MTMR7: variants seen among roughly 807,000 people sequenced by gnomAD.
MTMR7 encodes the protein myotubularin related protein 7.
In MTMR7, 76 loss-of-function variants were observed where a neutral mutation model predicts 81.2. The ratio of observed to expected loss-of-function variants is 0.94; its 90% CI spans 0.78 to 1.13. MTMR7 has a LOEUF of 1.13. Ranked by LOEUF, MTMR7 falls within the 50% of genes most tolerant of loss-of-function variation. The pLI, the probability that MTMR7 is intolerant of heterozygous loss-of-function variation, is 0.00. For synonymous variants in MTMR7, 372 were observed against 289.8 expected (o/e 1.28, Z -2.88); for missense variants, 1,044 against 820.0 (o/e 1.27, Z -3.34).
At chr8:17,334,168 C>T (rs1819148111) in intron 6 of MTMR7, among the ~76,000 whole-genome samples, 1 of 152,262 alleles carries the variant, frequency 6.6e-6, no homozygotes, top group South Asian at 2.1e-4. Context: ...CATCTACCAG[C>T]TGAAGTGTAA....
chr8:17,382,463 TA>T (rs1820787947), intron 1 of MTMR7, among the ~76,000 whole-genome samples: 1 of 152,212 alleles, frequency 6.6e-6, no homozygotes, highest in South Asian at 2.1e-4. Context: ...CTCTCATAAT[TA>T]AGTATCATTT....
intron 10 of MTMR7, among the ~76,000 whole-genome samples, chr8:17,308,921 C>T (rs897035833): frequency 6.6e-6 from 1 of 152,182 alleles, no homozygotes; most frequent in Non-Finnish European, 1.5e-5. Flanking sequence ...GTTCCACGGG[C>T]AGTTCACAAC....
intron 3 of MTMR7, among the ~76,000 whole-genome samples, chr8:17,366,114 G>A (rs538587488): frequency 1.3e-5 from 2 of 152,098 alleles, no homozygotes; most frequent in African/African-American, 4.8e-5. Context: ...AAGACATCAG[G>A]TACAAACTCT....
intron 6 of MTMR7, among the ~76,000 whole-genome samples, chr8:17,334,314 G>C (rs566451249): frequency 6.6e-6 from 1 of 152,144 alleles, no homozygotes; most frequent in African/African-American, 2.4e-5. Flanking sequence ...GTATGTGTGC[G>C]CAGTAAGATA....
At chr8:17,306,218 GAC>G (rs968058348) in intron 10 of MTMR7, among the ~76,000 whole-genome samples, 1 of 152,044 alleles carries the variant, frequency 6.6e-6, no homozygotes, top group Non-Finnish European at 1.5e-5. Flanking sequence ...AAAATTCAAA[GAC>G]ACTTTCCACA....
intron 8 of MTMR7, among the ~76,000 whole-genome samples, chr8:17,312,512 T>C (rs1817839278): frequency 1.4e-5 from 2 of 143,342 alleles, no homozygotes; most frequent in South Asian, 4.3e-4. Flanking sequence ...GAGGCAGAGG[T>C]TGCAGCAAGC....
intron 7 of MTMR7, among the ~76,000 whole-genome samples, chr8:17,324,038 T>G (rs982364397): frequency 2.6e-5 from 4 of 152,206 alleles, no homozygotes; most frequent in African/African-American, 9.7e-5. Context: ...TTTTGTCCCT[T>G]TGATAATGTC....
rs185447354 is a variant in MTMR7, at chr8:17,372,891, C to G, written c.147+227G>C. The G allele has an allele frequency of 4.5e-4, 211 of 465,384 alleles. 1 individual carries two copies. The East Asian group carries it at 7.6e-3, about 17-fold the overall frequency. The allele number at this position is 465,384 out of a possible 1,614,324, so 28.8% of individuals were successfully genotyped here. A position where few individuals can be genotyped will look rare whatever the true frequency, so the allele number is the denominator to read the frequency against. On this transcript the variant is annotated intron_variant, in intron 2 of 13. Coordinates refer to ENST00000180173, the MANE Select transcript of MTMR7 (RefSeq NM_004686.5). ...AAGCACTTGTATCTTCTGGCTAGTT[C>G]TAAGTCTCTCTTCACTGATGTTCAA...
At chr8:17,407,255 C>G (rs1821614673) in intron 1 of MTMR7, among the ~76,000 whole-genome samples, 1 of 151,410 alleles carries the variant, frequency 6.6e-6, no homozygotes, top group African/African-American at 2.4e-5. Flanking sequence ...GGAAAAACTT[C>G]AACCTCGCTG....
In MTMR7 at chr8:17,299,873, G is replaced by A; in HGVS notation, c.1972C>T (p.Leu658Phe). The part of the protein sequence containing the change: ...KDRDSDEAVF[L>F]TA ...TCCAAAGGGAAACTTCAGGCAGTGA[G>A]AAACACGGCTTCATCAGAATCCCGG... Residue 658 changes from leucine (L) to phenylalanine (F), a missense_variant, in exon 14 of 14, where the codon CTC becomes TTC. Transcript: ENST00000180173. 3 of 1,614,026 alleles carry A rather than the reference G, an allele frequency of 1.9e-6. No individual in the cohort carries two copies. Among genetic ancestry groups the A allele is most frequent in the Non-Finnish European group, 2.5e-6 (3 of 1,179,936 alleles).
chr8:17,359,584 T>TAAAAAAAAA (rs11400421), intron 4 of MTMR7, among the ~76,000 whole-genome samples: 1 of 135,606 alleles, frequency 7.4e-6, no homozygotes, highest in African/African-American at 2.9e-5. Flanking sequence ...CCTGTTTCCT[T>TAAAAAAAAA]AAAAAAAAAA....
intron 2 of MTMR7, among the ~76,000 whole-genome samples, chr8:17,371,803 A>T (rs1272815863): frequency 6.6e-6 from 1 of 151,196 alleles, no homozygotes; most frequent in African/African-American, 2.4e-5. Flanking sequence ...TGTACATCAT[A>T]CGGAATGATT....
chr8:17,378,400 A>C (rs770193099), intron 1 of MTMR7, among the ~76,000 whole-genome samples: 12 of 152,228 alleles, frequency 7.9e-5, no homozygotes, highest in Non-Finnish European at 1.6e-4. Flanking sequence ...ACGATCTAAA[A>C]TGAAATAAAT....
chr8:17,323,867 C>T (rs566290357), intron 7 of MTMR7, among the ~76,000 whole-genome samples: 1 of 152,164 alleles, frequency 6.6e-6, no homozygotes, highest in African/African-American at 2.4e-5. Context: ...CATTTTGAAG[C>T]TCTCCTAGTT....
chr8:17,375,480 G>GTTTTTTTTTT (rs372246791), intron 1 of MTMR7, among the ~76,000 whole-genome samples: 5 of 136,640 alleles, frequency 3.7e-5, no homozygotes, highest in African/African-American at 1.4e-4. Context: ...ACTAGCTTAT[G>GTTTTTTTTTT]TTTTTTTTTT....
chr8:17,412,789 AAGGCCG>A lies in MTMR7; in HGVS notation c.24+474_24+479del, dbSNP rs1254833470. Among the ~76,000 whole-genome samples, 3 of 152,142 alleles carry A rather than the reference AAGGCCG, an allele frequency of 2.0e-5. No individual in the cohort carries two copies. The East Asian group carries it at 5.8e-4, about 29-fold the overall frequency. Reference sequence around the variant, plus strand: ...GCTCAGGATGAGGATGCTGACTGGGAAGGCCGAGCCGGGTGGGCCTGACACCCTAGA... The same window carrying A: ...GCTCAGGATGAGGATGCTGACTGGGAAGCCGGGTGGGCCTGACACCCTAGA... On this transcript the variant is annotated intron_variant, in intron 1 of 13. Coordinates refer to ENST00000180173, the MANE Select transcript of MTMR7 (RefSeq NM_004686.5).
At position 17,300,215 on chromosome 8, in the gene MTMR7, T is replaced by G; in HGVS notation, c.1630A>C (p.Lys544Gln). 1 of 1,601,832 alleles carries G rather than the reference T, an allele frequency of 6.2e-7. No homozygotes were observed. The highest frequency in any genetic ancestry group is 1.3e-5 in the African/African-American group (1 of 74,438). ...CAATTTAACTGGACCTTTTGAATTT[T>G]TTCCAGCCTCTAAGAAAGAAATAAC... is the stretch of plus-strand genomic sequence containing the variant. The part of the protein sequence containing the change: ...ELEALEERLE[K>Q]IQKVQLNCTK... The change falls in exon 14 of 14, where the codon AAA (lysine) becomes CAA (glutamine). Residue 544 changes from lysine (K) to glutamine (Q), a missense_variant. Physicochemically the swap from Lys to Gln is moderately conservative, Grantham distance 53 (BLOSUM62 1). Coordinates refer to ENST00000180173, the MANE Select transcript of MTMR7 (RefSeq NM_004686.5).
rs565896516 is a variant in MTMR7, at chr8:17,307,910, A to G, written c.1151+1367T>C. ...TGTGGGGTGGCGGGAGGGGGGAGGG[A>G]TAGCATTAGGAGATATACCTAATGC... is the stretch of plus-strand genomic sequence containing the variant. On this transcript the variant is annotated intron_variant, in intron 10 of 13. Transcript: ENST00000180173. Among the ~76,000 whole-genome samples, 256 of 151,596 alleles carry G rather than the reference A, an allele frequency of 1.7e-3. 1 individual carries two copies. The highest frequency in any genetic ancestry group is 5.8e-3 in the African/African-American group (241 of 41,270).
At chr8:17,372,325 A>C (rs1029917017) in intron 2 of MTMR7, among the ~76,000 whole-genome samples, 9 of 152,322 alleles carry the variant, frequency 5.9e-5, no homozygotes, top group African/African-American at 2.2e-4. Flanking sequence ...TCATGCCTGT[A>C]ATCCCAGTAC....
Sources: allele counts gnomAD v4.1 joint callset (sites outside exome capture counted in the v4.1 genomes callset), GRCh38; gene constraint gnomAD v4.1.1; transcripts MANE v1.5; gene names NCBI Gene and HGNC (gene_info 2026-07-23, HGNC 2026-07-21).